The following VWC2 variants were observed in gnomAD, a reference collection of about 807,000 sequenced individuals.
VWC2 encodes brorin.
In VWC2, 14 loss-of-function variants were observed where a neutral mutation model predicts 29.8. The observed-to-expected ratio is 0.47, with a 90% CI of 0.31 to 0.74. The LOEUF (loss-of-function observed/expected upper bound fraction) is 0.74, where lower values mean the gene tolerates loss of function less well. Among genes scored for constraint, VWC2 ranks in the 30% least tolerant of loss-of-function variants. VWC2 has a pLI of 0.05. For synonymous variants in VWC2, 213 were observed against 199.0 expected, an observed-to-expected ratio of 1.07 and a Z score of -0.59; for missense variants, 457 against 459.8, an observed-to-expected ratio of 0.99 and a Z score of 0.05.
intron 3 of VWC2, among the ~76,000 whole-genome samples, chr7:49,881,556 T>A (rs560380817): frequency 7.2e-5 from 11 of 152,170 alleles, no homozygotes; most frequent in Non-Finnish European, 1.6e-4. Context: ...AAGCTCAAGA[T>A]ATGTGTTATT....
intron 2 of VWC2, among the ~76,000 whole-genome samples, chr7:49,789,280 T>A (rs1479823039): frequency 2.0e-5 from 3 of 147,754 alleles, no homozygotes; most frequent in African/African-American, 5.1e-5. Flanking sequence ...CGGGTGTGTG[T>A]GAGAGTGTGA....
chr7:49,793,829 C>T (rs1025459933), intron 2 of VWC2, among the ~76,000 whole-genome samples: 1 of 152,184 alleles, frequency 6.6e-6, no homozygotes, highest in Non-Finnish European at 1.5e-5. Context: ...AGAAGGGACA[C>T]AGAGTCCAAG....
intron 3 of VWC2, among the ~76,000 whole-genome samples, chr7:49,908,175 CT>C (rs1056232485): frequency 1.3e-5 from 2 of 152,184 alleles, no homozygotes; most frequent in African/African-American, 4.8e-5. Context: ...TACAAAAAGT[CT>C]GTTTTGTCAG....
intron 3 of VWC2, among the ~76,000 whole-genome samples, chr7:49,850,921 C>T (rs1446076536): frequency 6.6e-6 from 1 of 152,210 alleles, no homozygotes. Flanking sequence ...GATTGTGGCA[C>T]CAGGCTCCAT....
At chr7:49,810,787 C>T (rs1788990931) in intron 3 of VWC2, among the ~76,000 whole-genome samples, 2 of 152,074 alleles carry the variant, frequency 1.3e-5, no homozygotes, top group South Asian at 4.1e-4. Context: ...GTCTTTTCAA[C>T]AAATGGTGCA....
At chr7:49,782,690 G>GAAA (rs149219445) in intron 2 of VWC2, among the ~76,000 whole-genome samples, 2 of 128,812 alleles carry the variant, frequency 1.6e-5, no homozygotes, top group Non-Finnish European at 3.3e-5. Context: ...ACAACAAATT[G>GAAA]AAAAAAAAAA....
rs1788044159 is a variant in VWC2 at position 49,775,926 on chromosome 7, C to T, written c.491C>T (p.Ala164Val). The change falls in exon 2 of 4, where the codon GCG becomes GTG. Residue 164 changes from alanine (A) to valine (V), a missense_variant. Physicochemically the swap from Ala to Val is moderately conservative, Grantham distance 64 (BLOSUM62 0). Coordinates refer to ENST00000340652, the MANE Select transcript of VWC2 (RefSeq NM_198570.5). ...GCVDESGFVY[A>V]IGEKFAPGPS... Reference sequence around the variant, plus strand: ...GTGGACGAGAGCGGCTTCGTGTACGCGATCGGGGAGAAGTTCGCGCCGGGC... The same window carrying T: ...GTGGACGAGAGCGGCTTCGTGTACGTGATCGGGGAGAAGTTCGCGCCGGGC... 2 of 1,556,900 alleles carry T rather than the reference C, an allele frequency of 1.3e-6. No homozygotes were observed. Among genetic ancestry groups the T allele is most frequent in the Admixed American group, 1.9e-5 (1 of 52,226 alleles).
At chr7:49,861,087 T>C (rs772902505) in intron 3 of VWC2, among the ~76,000 whole-genome samples, 6 of 152,232 alleles carry the variant, frequency 3.9e-5, no homozygotes, top group Non-Finnish European at 8.8e-5. Flanking sequence ...GTCTGCACAG[T>C]TTTACATTCC....
At chr7:49,903,606 AGT>A (rs905269480) in intron 3 of VWC2, among the ~76,000 whole-genome samples, 1 of 152,222 alleles carries the variant, frequency 6.6e-6, no homozygotes, top group Non-Finnish European at 1.5e-5. Context: ...GAGAAGGTGC[AGT>A]GTGACTATAT....
chr7:49,776,388 T>C (rs1268111064), intron 2 of VWC2, among the ~76,000 whole-genome samples: 2 of 152,238 alleles, frequency 1.3e-5, no homozygotes, highest in Admixed American at 1.3e-4. Context: ...CCTATGGCAC[T>C]GAAGGGAAGG....
At chr7:49,803,159 C>A (rs753259041) in intron 3 of VWC2, among the ~76,000 whole-genome samples, 21 of 152,184 alleles carry the variant, frequency 1.4e-4, no homozygotes, top group Non-Finnish European at 2.2e-4. Context: ...CTTTCCAAGA[C>A]ACATTAAACA....
chr7:49,865,767 A>C (rs1790859088), intron 3 of VWC2, among the ~76,000 whole-genome samples: 1 of 152,150 alleles, frequency 6.6e-6, no homozygotes. Flanking sequence ...CAGCCTCCTG[A>C]TCCACCCACC....
At position 49,914,084 on chromosome 7, in the gene VWC2, C is replaced by T. The variant is rs1793597117; in HGVS notation, c.*1899C>T. The T allele has an allele frequency of 6.6e-6, 1 of 152,160 alleles. No individual in the cohort carries two copies. 9.4% of individuals were successfully genotyped at this position (152,160 alleles called of 1,614,324 possible). A position where few individuals can be genotyped will look rare whatever the true frequency, so the allele number is the denominator to read the frequency against. The stretch of plus-strand genomic sequence containing the variant: ...GACTGGTAGACATTGGCCATCCCTC[C>T]TTTATTCAAGGATGGATTGTTTGAG... On this transcript the variant is annotated 3_prime_UTR_variant, in exon 4 of 4. Coordinates refer to ENST00000340652, the MANE Select transcript of VWC2 (RefSeq NM_198570.5).
At chr7:49,860,117 A>T (rs952198720) in intron 3 of VWC2, among the ~76,000 whole-genome samples, 5 of 152,128 alleles carry the variant, frequency 3.3e-5, no homozygotes, top group African/African-American at 1.2e-4. Context: ...AATGACAAAA[A>T]ATTGCCATTT....
chr7:49,846,430 T>G (rs779948675), intron 3 of VWC2, among the ~76,000 whole-genome samples: 2 of 152,216 alleles, frequency 1.3e-5, no homozygotes, highest in Non-Finnish European at 2.9e-5. Context: ...TTTTGACATC[T>G]GCAGAACAAC....
chr7:49,905,858 C>A (rs79530289), intron 3 of VWC2, among the ~76,000 whole-genome samples: 30 of 148,502 alleles, frequency 2.0e-4, no homozygotes, highest in South Asian at 6.4e-4. Flanking sequence ...CCCACCAAAA[C>A]CAAGATGGCC....
intron 3 of VWC2, among the ~76,000 whole-genome samples, chr7:49,905,752 G>A (rs1793051867): frequency 6.6e-6 from 1 of 152,146 alleles, no homozygotes; most frequent in South Asian, 2.1e-4. Flanking sequence ...TCTAAGTCAC[G>A]AGATAGGATG....
At chr7:49,893,602 C>G (rs655184) in intron 3 of VWC2, among the ~76,000 whole-genome samples, 4,948 of 150,478 alleles carry the variant, frequency 0.033, 296 homozygotes, top group African/African-American at 0.11. Flanking sequence ...TTAGTTTACT[C>G]TTAGTGAAAT....
At chr7:49,869,900 T>C (rs371285120) in intron 3 of VWC2, among the ~76,000 whole-genome samples, 8 of 152,282 alleles carry the variant, frequency 5.3e-5, no homozygotes, top group South Asian at 2.1e-4. Context: ...GGCCTATTCA[T>C]ACAGCAGATG....
Sources: allele counts gnomAD v4.1 joint callset (sites outside exome capture counted in the v4.1 genomes callset), GRCh38; gene constraint gnomAD v4.1.1; transcripts MANE v1.5; gene names NCBI Gene and HGNC (gene_info 2026-07-23, HGNC 2026-07-21).